The following DIP2B variants were observed in gnomAD, a reference collection of about 807,000 sequenced individuals.
DIP2B encodes DIP2 acetate--CoA ligase B (putative), also known as disco-interacting protein 2 homolog B.
DIP2B carries 76 observed loss-of-function variants against 198.0 expected under a neutral mutation model. That is an observed-to-expected ratio of 0.38 (90% confidence interval 0.32 to 0.46). DIP2B has a LOEUF of 0.46. Ranked by LOEUF, DIP2B falls within the 20% of genes least tolerant of loss-of-function variation. The pLI is 0.99. For synonymous variants in DIP2B, 701 were observed against 739.1 expected, an observed-to-expected ratio of 0.95 and a Z score of 0.84; for missense variants, 1,559 against 1,978.4, an observed-to-expected ratio of 0.79 and a Z score of 4.02.
In DIP2B at chr12:50,655,050, G is replaced by T. The variant is rs1303736248; in HGVS notation, c.302-5144G>T. On this transcript the variant is annotated intron_variant, in intron 3 of 37. Transcript: ENST00000301180. ...AGAATTTACTCTGAAGGTAAGCCCT[G>T]ATTAGTGTAAAAATATATTTGCAGG... The T allele has an allele frequency of 1.6e-5, 7 of 446,274 alleles. No individual in the cohort carries two copies. The Admixed American group carries it at 1.7e-4, about 11-fold the overall frequency. 27.6% of individuals were successfully genotyped at this position (446,274 alleles called of 1,614,324 possible).
At chr12:50,546,864 C>A (rs1000401181) in intron 1 of DIP2B, among the ~76,000 whole-genome samples, 2 of 152,126 alleles carry the variant, frequency 1.3e-5, no homozygotes, top group African/African-American at 4.8e-5. Context: ...ATAAATGAGA[C>A]ATCTCTTGTC....
chr12:50,736,695 A>C (rs1330238342), intron 34 of DIP2B, among the ~76,000 whole-genome samples: 1 of 152,204 alleles, frequency 6.6e-6, no homozygotes, highest in Admixed American at 6.5e-5. Flanking sequence ...CCAGTGAATG[A>C]GAAAGAACAT....
intron 1 of DIP2B, among the ~76,000 whole-genome samples, chr12:50,586,820 G>A (rs1364858248): frequency 4.6e-5 from 7 of 152,172 alleles, no homozygotes; most frequent in Admixed American, 1.3e-4. Context: ...TGATCCACCC[G>A]CCTTGGCCTC....
At chr12:50,550,004 T>C (rs1958413595) in intron 1 of DIP2B, among the ~76,000 whole-genome samples, 1 of 152,218 alleles carries the variant, frequency 6.6e-6, no homozygotes, top group African/African-American at 2.4e-5. Flanking sequence ...ATTGGCACTT[T>C]TTGATTTTCT....
intron 19 of DIP2B, among the ~76,000 whole-genome samples, chr12:50,702,037 G>A (rs778971484): frequency 9.2e-5 from 14 of 152,098 alleles, no homozygotes; most frequent in Non-Finnish European, 1.9e-4. Context: ...GCTGAGGTGG[G>A]TGGATCACCT....
At chr12:50,569,476 G>A (rs1012206976) in intron 1 of DIP2B, among the ~76,000 whole-genome samples, 1 of 152,216 alleles carries the variant, frequency 6.6e-6, no homozygotes, top group Non-Finnish European at 1.5e-5. Flanking sequence ...GAATGTGCAT[G>A]TTAATTCCAC....
chr12:50,649,061 A>G (rs1938407510), intron 3 of DIP2B, among the ~76,000 whole-genome samples: 1 of 152,182 alleles, frequency 6.6e-6, no homozygotes, highest in Admixed American at 6.5e-5. Context: ...AATGTCTAAA[A>G]CCTTTATGAA....
At chr12:50,712,636 C>T (rs918126402) in intron 22 of DIP2B, among the ~76,000 whole-genome samples, 2 of 143,742 alleles carry the variant, frequency 1.4e-5, no homozygotes, top group South Asian at 2.3e-4. Context: ...GGGCTGGGCA[C>T]GGTGGCTCAC....
intron 25 of DIP2B, among the ~76,000 whole-genome samples, chr12:50,720,754 A>G (rs1939821062): frequency 6.6e-6 from 1 of 152,228 alleles, no homozygotes; most frequent in African/African-American, 2.4e-5. Context: ...ACATCACTGC[A>G]CTGCAGCTTG....
chr12:50,557,049 G>GT (rs1958477954), intron 1 of DIP2B, among the ~76,000 whole-genome samples: 1 of 152,024 alleles, frequency 6.6e-6, no homozygotes, highest in South Asian at 2.1e-4. Context: ...ATTTCACCAT[G>GT]TTGGCCAGGC....
At chr12:50,559,003 A>G (rs980291478) in intron 1 of DIP2B, among the ~76,000 whole-genome samples, 1 of 152,136 alleles carries the variant, frequency 6.6e-6, no homozygotes. Flanking sequence ...GAAAATAGAG[A>G]GTCTCTAGAA....
In DIP2B at chr12:50,637,078, T is replaced by C. The variant is rs896440087; in HGVS notation, c.173-3646T>C. Among the ~76,000 whole-genome samples, 3 of 152,066 alleles carry C rather than the reference T, an allele frequency of 2.0e-5. No homozygotes were observed. In the East Asian group the frequency reaches 5.8e-4, roughly 29 times the overall value. On this transcript the variant is annotated intron_variant, in intron 2 of 37. Coordinates refer to ENST00000301180, the MANE Select transcript of DIP2B (RefSeq NM_173602.3). ...AAGAGGCTAGATTGATTGAGCCTTC[T>C]TGGATGGGGTGGGAGTGAGGGCCCT... is the stretch of plus-strand genomic sequence containing the variant.
At chr12:50,549,385 C>G (rs1367337330) in intron 1 of DIP2B, among the ~76,000 whole-genome samples, 1 of 152,036 alleles carries the variant, frequency 6.6e-6, no homozygotes, top group Non-Finnish European at 1.5e-5. Flanking sequence ...GAAAAATAAG[C>G]CCGGCATGGT....
chr12:50,649,452 TATACA>T (rs1395814740), intron 3 of DIP2B, among the ~76,000 whole-genome samples: 1 of 152,214 alleles, frequency 6.6e-6, no homozygotes, highest in African/African-American at 2.4e-5. Context: ...GGGAATTTAG[TATACA>T]ATAAAGATTA....
chr12:50,663,180 A>G (rs1938683250), intron 4 of DIP2B, among the ~76,000 whole-genome samples: 2 of 152,314 alleles, frequency 1.3e-5, no homozygotes, highest in Admixed American at 1.3e-4. Flanking sequence ...TAATCCCAGC[A>G]CTTTGGGAGG....
chr12:50,652,833 C>T (rs1397584768), intron 3 of DIP2B, among the ~76,000 whole-genome samples: 2 of 152,006 alleles, frequency 1.3e-5, no homozygotes, highest in African/African-American at 4.8e-5. Context: ...TTTTCACCTC[C>T]TCAGTTATGT....
intron 1 of DIP2B, among the ~76,000 whole-genome samples, chr12:50,550,163 G>A (rs1313194307): frequency 6.6e-6 from 1 of 152,176 alleles, no homozygotes; most frequent in Non-Finnish European, 1.5e-5. Flanking sequence ...TTTTGGACCT[G>A]ATTAGTTTTG....
In DIP2B at chr12:50,713,833, C is replaced by A. The variant is rs115504994; in HGVS notation, c.2650-562C>A. On this transcript the variant is annotated intron_variant, in intron 22 of 37. Transcript: ENST00000301180. ...ACAGTAATCTCAGCACTTTGGGAGG[C>A]CAAGGTGGGAGCATCACTTGAGGCC... Among the ~76,000 whole-genome samples the A allele has an allele frequency of 6.6e-3, 1,002 of 152,044 alleles. 11 individuals carry two copies. The highest frequency in any genetic ancestry group is 0.022 in the African/African-American group (921 of 41,458).
At chr12:50,613,770 A>G (rs1937647393) in intron 1 of DIP2B, among the ~76,000 whole-genome samples, 1 of 152,174 alleles carries the variant, frequency 6.6e-6, no homozygotes, top group Non-Finnish European at 1.5e-5. Flanking sequence ...ACCACTGACA[A>G]CACTAACCCT....
Sources: gnomAD v4.1 joint callset for allele counts (sites outside exome capture counted in the v4.1 genomes callset) on GRCh38, gnomAD v4.1.1 for gene constraint, MANE v1.5 for transcripts, NCBI Gene and HGNC (gene_info 2026-07-23, HGNC 2026-07-21) for gene names.